The following LOXL2 variants were observed in gnomAD, a reference collection of about 807,000 sequenced individuals.
The protein encoded by LOXL2 is lysyl oxidase like 2, also known as lysyl oxidase homolog 2.
LOXL2 carries 70 observed loss-of-function variants against 93.0 expected under a neutral mutation model. That is an observed-to-expected ratio of 0.75 (90% CI 0.62 to 0.92). LOXL2 has a LOEUF of 0.92. LOXL2 is among the 40% of genes least tolerant of loss of function. The pLI is 0.00. For synonymous variants in LOXL2, 438 were observed against 413.2 expected (o/e 1.06, Z -0.73); for missense variants, 973 against 1,054.9 (o/e 0.92, Z 1.08).
intron 12 of LOXL2, among the ~76,000 whole-genome samples, 194 bp from the exon 13 acceptor site, chr8:23,299,141 C>T (rs1803085886): frequency 6.6e-6 from 1 of 152,142 alleles, no homozygotes; most frequent in African/African-American, 2.4e-5. Context: ...GGAAGCATGG[C>T]CTGGAAGAGG....
rs1803738335 is a variant in LOXL2 at position 23,333,455 on chromosome 8, C to T, written c.912G>A (p.Gly304=). The stretch of plus-strand genomic sequence containing the variant: ...AGGGTCCGTCAGGGCTGAAGACCTG[C>T]CCAGGCACACAACTCACCACGGCCG... The part of the protein sequence containing the change: ...GLPAVVSCVP[G]QVFSPDGPSR... The change falls in exon 5 of 14, where the codon GGG becomes GGA. Residue 304 remains glycine (G), a synonymous_variant. Coordinates refer to ENST00000389131, the MANE Select transcript of LOXL2 (RefSeq NM_002318.3). 6.2e-7 allele frequency: 1 copy of T among 1,613,960 alleles called. No individual in the cohort carries two copies. The highest frequency in any genetic ancestry group is 8.5e-7 in the Non-Finnish European group (1 of 1,180,032).
chr8:23,329,241 C>G (rs535824462), intron 5 of LOXL2: 1 of 152,354 alleles, frequency 6.6e-6, no homozygotes, highest in African/African-American at 2.4e-5. Flanking sequence ...ACTGATTTGT[C>G]CCAGGGCTGG....
intron 3 of LOXL2, among the ~76,000 whole-genome samples, chr8:23,356,754 A>G (rs1804206883): frequency 6.6e-6 from 1 of 152,148 alleles, no homozygotes. Flanking sequence ...GAAAATGCAG[A>G]GTGTGTAAGG....
chr8:23,311,069 T>C (rs1213117979), intron 9 of LOXL2, among the ~76,000 whole-genome samples: 1 of 152,208 alleles, frequency 6.6e-6, no homozygotes, highest in Non-Finnish European at 1.5e-5. Flanking sequence ...CTTTGCAGAA[T>C]TGCTTATAAA....
chr8:23,301,345 G>GT (rs1372995294), intron 12 of LOXL2, among the ~76,000 whole-genome samples: 11 of 152,204 alleles, frequency 7.2e-5, no homozygotes, highest in Admixed American at 3.3e-4. Context: ...ACATGCCGCT[G>GT]TTTTCAGGAA....
At chr8:23,376,861 T>A (rs1373262062) in intron 1 of LOXL2, among the ~76,000 whole-genome samples, 1 of 152,228 alleles carries the variant, frequency 6.6e-6, no homozygotes, top group Non-Finnish European at 1.5e-5. Context: ...TAGCAGTCTA[T>A]CAATTTTGTT....
chr8:23,328,251 T>A, intron 6 of LOXL2, 131 bp downstream of exon 6: 1 of 902,096 alleles, frequency 1.1e-6, no homozygotes, highest in Non-Finnish European at 1.7e-6. Flanking sequence ...CCTGGGATTC[T>A]CTCCCAGGCA....
chr8:23,354,961 T>A (rs867312047), intron 3 of LOXL2, among the ~76,000 whole-genome samples: 15,452 of 87,560 alleles, frequency 0.18, 1,365 homozygotes, highest in Non-Finnish European at 0.21. Context: ...TTTTTTTTTT[T>A]TTTTTTTTTT....
chr8:23,319,620 G>T (rs546932273), intron 8 of LOXL2, among the ~76,000 whole-genome samples: 6 of 152,270 alleles, frequency 3.9e-5, no homozygotes, highest in Non-Finnish European at 1.5e-5. Flanking sequence ...TGCAGAGCAG[G>T]AGTGGACCAT....
intron 9 of LOXL2, among the ~76,000 whole-genome samples, chr8:23,313,670 A>G (rs75044422): frequency 0.68 from 100,225 of 148,406 alleles, 34,585 homozygotes; most frequent in South Asian, 0.84. Context: ...AGACTTAAAC[A>G]TTAGACCTAA....
At chr8:23,368,862 C>A (rs745950413) in intron 1 of LOXL2, among the ~76,000 whole-genome samples, 2 of 152,176 alleles carry the variant, frequency 1.3e-5, no homozygotes, top group Non-Finnish European at 2.9e-5. Context: ...CTCTTAGGAG[C>A]TGTGGCCCTC....
At chr8:23,305,174 G>C (rs1803209906) in intron 10 of LOXL2, among the ~76,000 whole-genome samples, 1 of 152,168 alleles carries the variant, frequency 6.6e-6, no homozygotes, top group Non-Finnish European at 1.5e-5. Flanking sequence ...GCTCAGAGAG[G>C]GGCTTATGTG....
At chr8:23,358,863 A>T (rs1249668735) in intron 3 of LOXL2, among the ~76,000 whole-genome samples, 1 of 121,128 alleles carries the variant, frequency 8.3e-6, no homozygotes, top group African/African-American at 3.1e-5. Flanking sequence ...TTTTTTTTTC[A>T]GACAGTCTCG....
chr8:23,321,081 C>T (rs796560079), intron 7 of LOXL2, among the ~76,000 whole-genome samples: 36 of 152,344 alleles, frequency 2.4e-4, no homozygotes, highest in African/African-American at 8.2e-4. Flanking sequence ...TCTCTCGTCT[C>T]TCTCCAATGC....
At position 23,368,110 on chromosome 8, in the gene LOXL2, C is replaced by T; in HGVS notation, c.242G>A (p.Gly81Asp). The change falls in exon 2 of 14, where the codon GGC (glycine) becomes GAC (aspartate). Residue 81 changes from glycine to aspartate, a missense_variant. Transcript: ENST00000389131. ...GGAGAAGTCGTCATCGCACACGGTG[C>T]CCCACTGGCCATCATAGTACACCTC... ...RVEVYYDGQW[G>D]TVCDDDFSIH... is the part of the protein sequence containing the mutation. 2 of 1,614,080 alleles carry T rather than the reference C, an allele frequency of 1.2e-6. No homozygotes were observed. Among genetic ancestry groups the T allele is most frequent in the Non-Finnish European group, 1.7e-6 (2 of 1,180,026 alleles).
intron 2 of LOXL2, chr8:23,366,165 T>C (rs780692688): frequency 2.6e-5 from 4 of 152,204 alleles, no homozygotes; most frequent in African/African-American, 7.2e-5. Flanking sequence ...ATAATGAGCG[T>C]TGGAAAGCCT....
At chr8:23,351,068 G>C (rs571043667) in intron 3 of LOXL2, among the ~76,000 whole-genome samples, 111 of 152,310 alleles carry the variant, frequency 7.3e-4, no homozygotes, top group African/African-American at 2.1e-3. Flanking sequence ...TCCACTGCTG[G>C]ATGGTAAGCT....
chr8:23,395,863 G>A, intron 1 of LOXL2, among the ~76,000 whole-genome samples: 1 of 151,904 alleles, frequency 6.6e-6, no homozygotes, highest in East Asian at 1.9e-4. Flanking sequence ...TAGTAGAGAT[G>A]GGGTTTTACC....
At chr8:23,346,434 T>G in intron 3 of LOXL2, among the ~76,000 whole-genome samples, 1 of 151,952 alleles carries the variant, frequency 6.6e-6, no homozygotes, top group Non-Finnish European at 1.5e-5. Flanking sequence ...TGGGAGTGAT[T>G]TGCACCCGTT....
Sources: gnomAD v4.1 joint callset for allele counts (sites outside exome capture counted in the v4.1 genomes callset) on GRCh38, gnomAD v4.1.1 for gene constraint, MANE v1.5 for transcripts, NCBI Gene and HGNC (gene_info 2026-07-23, HGNC 2026-07-21) for gene names.